Variants in MLLT3 observed in about 807,000 individuals in gnomAD.
MLLT3 encodes MLLT3 super elongation complex subunit.
MLLT3 carries 4 observed loss-of-function variants against 53.2 expected under a neutral mutation model. That is an observed-to-expected ratio of 0.08 (90% CI 0.04 to 0.17). The LOEUF (loss-of-function observed/expected upper bound fraction) is 0.17. Ranked by LOEUF, MLLT3 falls within the 10% of genes least tolerant of loss-of-function variation. The pLI is 1.00. For missense variants in MLLT3, 569 were observed against 684.0 expected (o/e 0.83, Z 1.87); for synonymous variants, 283 against 230.6 (o/e 1.23, Z -2.06).
intron 2 of MLLT3, among the ~76,000 whole-genome samples, chr9:20,532,107 T>A (rs986981009): frequency 6.6e-6 from 1 of 152,124 alleles, no homozygotes; most frequent in African/African-American, 2.4e-5. Context: ...CCCCTAAATG[T>A]CATGGCCTCA....
chr9:20,563,130 G>A lies in MLLT3; in HGVS notation c.193+57524C>T, dbSNP rs926698103. Among the ~76,000 whole-genome samples the A allele has an allele frequency of 3.3e-5, 5 of 152,042 alleles. No homozygotes were observed. In the East Asian group the frequency reaches 9.6e-4, roughly 29 times the overall value. ...AAGTTTCCAAGAAGCACACTAGGCAGAATTCAAAGGAAAAAATTTATCCCT... is the reference window on the plus strand; with the variant it reads ...AAGTTTCCAAGAAGCACACTAGGCAAAATTCAAAGGAAAAAATTTATCCCT... On this transcript the variant is annotated intron_variant, in intron 2 of 10. Coordinates refer to ENST00000380338, the MANE Select transcript of MLLT3 (RefSeq NM_004529.4).
At chr9:20,416,326 T>C (rs1203566484) in intron 4 of MLLT3, among the ~76,000 whole-genome samples, 1 of 152,054 alleles carries the variant, frequency 6.6e-6, no homozygotes, top group Non-Finnish European at 1.5e-5. Context: ...CTATATGAAG[T>C]ATTATACACA....
chr9:20,432,931 A>C (rs1823312354), intron 4 of MLLT3, among the ~76,000 whole-genome samples: 1 of 152,150 alleles, frequency 6.6e-6, no homozygotes, highest in Non-Finnish European at 1.5e-5. Flanking sequence ...TGTGCCTTTG[A>C]ATGAATGTAT....
intron 2 of MLLT3, among the ~76,000 whole-genome samples, chr9:20,545,789 T>C (rs1375761950): frequency 7.1e-6 from 1 of 140,658 alleles, no homozygotes; most frequent in Non-Finnish European, 1.5e-5. Context: ...GAGGTCAGGA[T>C]GGGAGGATCC....
intron 10 of MLLT3, among the ~76,000 whole-genome samples, chr9:20,350,979 G>C (rs568731437): frequency 1.3e-5 from 2 of 152,278 alleles, no homozygotes; most frequent in African/African-American, 4.8e-5. Context: ...AGCCAGATCT[G>C]GGATAACATA....
chr9:20,403,691 C>T (rs566657697), intron 5 of MLLT3, among the ~76,000 whole-genome samples: 2 of 152,288 alleles, frequency 1.3e-5, no homozygotes, highest in African/African-American at 4.8e-5. Flanking sequence ...GTCTGAGGCT[C>T]ACTTTAAATT....
At chr9:20,546,545 TAA>T (rs34702803) in intron 2 of MLLT3, among the ~76,000 whole-genome samples, 66,216 of 145,302 alleles carry the variant, frequency 0.46, 15,020 homozygotes, top group East Asian at 0.65. Flanking sequence ...ACCTATCACT[TAA>T]AAAAAAAAAA....
At chr9:20,494,115 A>G (rs987332045) in intron 2 of MLLT3, among the ~76,000 whole-genome samples, 1 of 152,178 alleles carries the variant, frequency 6.6e-6, no homozygotes, top group Non-Finnish European at 1.5e-5. Context: ...GCTGAAAACT[A>G]TTAAAATATC....
intron 2 of MLLT3, among the ~76,000 whole-genome samples, chr9:20,590,493 G>C (rs1820101235): frequency 6.6e-6 from 1 of 152,150 alleles, no homozygotes; most frequent in Admixed American, 6.6e-5. Flanking sequence ...TGATTTTAAA[G>C]TGTGGCGCTT....
rs765507539 is a variant in MLLT3 at position 20,402,080 on chromosome 9, G to A, written c.1125+11641C>T. On this transcript the variant is annotated intron_variant, in intron 5 of 10. Coordinates refer to ENST00000380338, the MANE Select transcript of MLLT3 (RefSeq NM_004529.4). ...AATGGCTAACTTAATGGTGGTAGAG[G>A]AAGGTCAGCAGGTAAAGGAGACTCA... Among the ~76,000 whole-genome samples the A allele has an allele frequency of 3.3e-5, 5 of 152,278 alleles. No homozygotes were observed. In the South Asian group the frequency reaches 6.2e-4, roughly 19 times the overall value.
At chr9:20,398,647 A>G (rs1233146688) in intron 5 of MLLT3, among the ~76,000 whole-genome samples, 1 of 152,132 alleles carries the variant, frequency 6.6e-6, no homozygotes, top group Non-Finnish European at 1.5e-5. Flanking sequence ...CAAGGTGGCC[A>G]TATAACTTTC....
intron 10 of MLLT3, among the ~76,000 whole-genome samples, chr9:20,347,915 C>T (rs542561871): frequency 6.6e-5 from 10 of 152,130 alleles, no homozygotes; most frequent in Non-Finnish European, 1.2e-4. Context: ...AACTTTTAAC[C>T]TTCTCTTCTT....
chr9:20,355,474 G>C (rs1052110791), intron 8 of MLLT3, among the ~76,000 whole-genome samples: 2 of 152,076 alleles, frequency 1.3e-5, no homozygotes, highest in African/African-American at 4.8e-5. Flanking sequence ...CCTTTTATCT[G>C]GACTGATTAC....
At chr9:20,447,421 T>C (rs188820802) in intron 4 of MLLT3, among the ~76,000 whole-genome samples, 25 of 152,330 alleles carry the variant, frequency 1.6e-4, no homozygotes, top group African/African-American at 5.5e-4. Flanking sequence ...CAGTAGGAGC[T>C]GATGATCCCA....
At chr9:20,519,168 T>C (rs761866727) in intron 2 of MLLT3, among the ~76,000 whole-genome samples, 4 of 152,284 alleles carry the variant, frequency 2.6e-5, no homozygotes, top group Middle Eastern at 3.4e-3. Context: ...AGATTAGATC[T>C]TGAAACACAA....
At chr9:20,469,466 G>A (rs1000239884) in intron 2 of MLLT3, among the ~76,000 whole-genome samples, 29 of 152,022 alleles carry the variant, frequency 1.9e-4, no homozygotes, top group African/African-American at 6.3e-4. Context: ...AATGCACCCT[G>A]CCACTATGCA....
chr9:20,466,028 G>GT (rs1321487135), intron 2 of MLLT3, among the ~76,000 whole-genome samples: 1 of 152,100 alleles, frequency 6.6e-6, no homozygotes, highest in Non-Finnish European at 1.5e-5. Context: ...CTTGCAAGCT[G>GT]TTTAAGTGAT....
intron 2 of MLLT3, among the ~76,000 whole-genome samples, chr9:20,574,280 T>C (rs952113187): frequency 1.3e-5 from 2 of 152,268 alleles, no homozygotes; most frequent in African/African-American, 4.8e-5. Flanking sequence ...GAAGAATGAA[T>C]CATGTTCAAA....
chr9:20,414,516 T>G, intron 4 of MLLT3, 91 bp from the exon 5 acceptor site: 2 of 1,561,276 alleles, frequency 1.3e-6, no homozygotes, highest in Non-Finnish European at 1.7e-6. Flanking sequence ...CTTCTTTGAT[T>G]CCTCTCAAGC....
Sources: gnomAD v4.1 joint callset for allele counts (sites outside exome capture counted in the v4.1 genomes callset) on GRCh38, gnomAD v4.1.1 for gene constraint, MANE v1.5 for transcripts, NCBI Gene and HGNC (gene_info 2026-07-23, HGNC 2026-07-21) for gene names.